NINL: variants seen among roughly 807,000 people sequenced by gnomAD.
NINL encodes ninein like.
NINL carries 153 observed loss-of-function variants against 160.3 expected under a neutral mutation model. That is an observed-to-expected ratio of 0.95 (90% CI 0.84 to 1.09). The LOEUF (loss-of-function observed/expected upper bound fraction) is 1.09. NINL is among the 50% of genes least tolerant of loss of function. NINL has a pLI of 0.00. For synonymous variants in NINL, 800 were observed against 734.8 expected, an observed-to-expected ratio of 1.09 and a Z score of -1.43; for missense variants, 1,829 against 1,764.0, an observed-to-expected ratio of 1.04 and a Z score of -0.66.
rs1169811424 is a variant in NINL, at chr20:25,455,739, C to T, written c.3891G>A (p.Glu1297=). The T allele has an allele frequency of 1.2e-6, 2 of 1,614,208 alleles. No homozygotes were observed. The highest frequency in any genetic ancestry group is 4.5e-5 in the East Asian group (2 of 44,882). ...QLKATEERVE[E]AEMILKNMEM... is the part of the protein sequence containing the mutation. Reference sequence around the variant, plus strand: ...CCATATTCTTCAGAATCATCTCCGCCTCTTCCACCCGCTCTTCTGTGGCTT... The same window carrying T: ...CCATATTCTTCAGAATCATCTCCGCTTCTTCCACCCGCTCTTCTGTGGCTT... Residue 1297 remains glutamate (E), a synonymous_variant, in exon 23 of 24, where the codon GAG becomes GAA. Transcript: ENST00000278886.
chr20:25,462,288 A>C, intron 20 of NINL, 95 bp downstream of exon 20: 1 of 1,199,952 alleles, frequency 8.3e-7, no homozygotes, highest in South Asian at 1.5e-5. Flanking sequence ...ACTTCCCTCC[A>C]GGCTCCTCAG....
intron 14 of NINL, among the ~76,000 whole-genome samples, chr20:25,481,616 A>G (rs1187887219): frequency 6.6e-6 from 1 of 152,218 alleles, no homozygotes; most frequent in Non-Finnish European, 1.5e-5. Context: ...CTGTCTGAAC[A>G]GGCCTGAGTA....
At chr20:25,526,068 G>C (rs1315137405) in intron 2 of NINL, among the ~76,000 whole-genome samples, 1 of 152,220 alleles carries the variant, frequency 6.6e-6, no homozygotes, top group Non-Finnish European at 1.5e-5. Flanking sequence ...ACCAGTGTGA[G>C]CTGCTCACAG....
intron 1 of NINL, among the ~76,000 whole-genome samples, chr20:25,531,309 G>T (rs921821553): frequency 6.6e-6 from 1 of 152,098 alleles, no homozygotes; most frequent in African/African-American, 2.4e-5. Flanking sequence ...CAAACAATTT[G>T]TGCAGTTAAT....
intron 3 of NINL, among the ~76,000 whole-genome samples, chr20:25,515,632 T>C (rs763977305): frequency 2.2e-4 from 34 of 152,312 alleles, no homozygotes; most frequent in Non-Finnish European, 2.4e-4. Context: ...AATCTCATGT[T>C]GAATTTAATT....
rs561690179 is a variant in NINL at position 25,517,771 on chromosome 20, T to C, written c.259A>G (p.Ser87Gly). The C allele has an allele frequency of 9.4e-6, 15 of 1,601,786 alleles. No homozygotes were observed. In the South Asian group the frequency reaches 1.7e-4, roughly 18 times the overall value. ...NAGVRPSDED[S>G]SSLESAASSA... ...CTCTTACCTGATTCCAAAGAACTAC[T>C]GTCTTCATCTGAGGGGCGAACACCA... The change falls in exon 3 of 24, where the codon AGT (serine) becomes GGT (glycine). Residue 87 changes from serine to glycine, a missense_variant. Coordinates refer to ENST00000278886, the MANE Select transcript of NINL (RefSeq NM_025176.6).
intron 1 of NINL, among the ~76,000 whole-genome samples, chr20:25,576,248 T>C (rs935917343): frequency 1.3e-5 from 2 of 152,150 alleles, no homozygotes; most frequent in Admixed American, 1.3e-4. Flanking sequence ...CAGGGCGTTA[T>C]GTAGAATGTC....
At chr20:25,552,966 G>C (rs1446158909) in intron 1 of NINL, among the ~76,000 whole-genome samples, 1 of 152,234 alleles carries the variant, frequency 6.6e-6, no homozygotes, top group Non-Finnish European at 1.5e-5. Context: ...TGCTGGTGCA[G>C]GTGAGGCACT....
intron 2 of NINL, among the ~76,000 whole-genome samples, chr20:25,525,399 C>G (rs1190953079): frequency 6.6e-6 from 1 of 152,170 alleles, no homozygotes. Context: ...TACTTGTAAT[C>G]ATAGCACTTT....
chr20:25,531,873 G>C (rs1454171678), intron 1 of NINL, among the ~76,000 whole-genome samples: 3 of 152,180 alleles, frequency 2.0e-5, no homozygotes, highest in African/African-American at 7.2e-5. Context: ...AAGCCAGCTG[G>C]GGGTGCCTGG....
intron 21 of NINL, chr20:25,458,733 G>C: frequency 3.5e-6 from 2 of 564,314 alleles, no homozygotes; most frequent in South Asian, 5.0e-5. Context: ...CTTCCACACA[G>C]TGCTAGAGTG....
chr20:25,482,592 A>ATACC (rs1328158055), intron 13 of NINL, among the ~76,000 whole-genome samples: 2 of 151,826 alleles, frequency 1.3e-5, no homozygotes, highest in Admixed American at 1.3e-4. Context: ...CTCAAGTGAT[A>ATACC]TACCCATCTC....
rs1416315128 is a variant in NINL at position 25,523,710 on chromosome 20, T to C, written c.180+2698A>G. ...CAGGCTGGAGTGCAATGGCGCGATCTTGGCTCACCGCAACCTCCACCTCCC... is the reference window on the plus strand; with the variant it reads ...CAGGCTGGAGTGCAATGGCGCGATCCTGGCTCACCGCAACCTCCACCTCCC... On this transcript the variant is annotated intron_variant, in intron 2 of 23. Coordinates refer to ENST00000278886, the MANE Select transcript of NINL (RefSeq NM_025176.6). 2.0e-5 allele frequency among the ~76,000 whole-genome samples: 3 copies of C among 152,192 alleles called. No homozygotes were observed. The East Asian group carries it at 5.8e-4, about 29-fold the overall frequency.
At chr20:25,531,704 T>C (rs1292546497) in intron 1 of NINL, among the ~76,000 whole-genome samples, 1 of 152,148 alleles carries the variant, frequency 6.6e-6, no homozygotes, top group Non-Finnish European at 1.5e-5. Flanking sequence ...CAACCACTGT[T>C]TCCTCCTGAC....
intron 2 of NINL, 115 bp downstream of exon 2, chr20:25,526,293 C>G: frequency 1.1e-6 from 1 of 941,382 alleles, no homozygotes; most frequent in Non-Finnish European, 1.6e-6. Context: ...GTTCCATTTG[C>G]TAATAACTTT....
chr20:25,517,900 C>A (rs761108824), intron 2 of NINL, 51 bp from the exon 3 acceptor site: 2 of 1,222,930 alleles, frequency 1.6e-6, no homozygotes, highest in Non-Finnish European at 1.2e-6. Flanking sequence ...ACAGATCACA[C>A]AATTCAAAAG....
chr20:25,560,782 G>A (rs1177512903), intron 1 of NINL, among the ~76,000 whole-genome samples: 1 of 151,992 alleles, frequency 6.6e-6, no homozygotes, highest in African/African-American at 2.4e-5. Context: ...GACAAGGAAG[G>A]AGGCAGCATC....
intron 1 of NINL, among the ~76,000 whole-genome samples, chr20:25,549,905 C>T (rs1043552903): frequency 6.6e-6 from 1 of 152,190 alleles, no homozygotes; most frequent in Admixed American, 6.5e-5. Flanking sequence ...GCCATACACA[C>T]GTCTGCAAAC....
intron 1 of NINL, among the ~76,000 whole-genome samples, chr20:25,569,428 G>A (rs781523040): frequency 6.6e-6 from 1 of 152,150 alleles, no homozygotes; most frequent in Non-Finnish European, 1.5e-5. Flanking sequence ...GGGAGCGTCT[G>A]TGATAATGCT....
Sources: gnomAD v4.1 joint callset for allele counts (sites outside exome capture counted in the v4.1 genomes callset) on GRCh38, gnomAD v4.1.1 for gene constraint, MANE v1.5 for transcripts, NCBI Gene and HGNC (gene_info 2026-07-23, HGNC 2026-07-21) for gene names.